Variants in DPP10 observed in about 807,000 individuals in gnomAD.
DPP10 encodes inactive dipeptidyl peptidase 10.
DPP10 carries 33 observed loss-of-function variants against 120.9 expected under a neutral mutation model. The ratio of observed to expected loss-of-function variants is 0.27; its 90% CI spans 0.21 to 0.37. The LOEUF is 0.37. Ranked by LOEUF, DPP10 falls within the 10% of genes least tolerant of loss-of-function variation. DPP10 has a pLI of 1.00. For synonymous variants in DPP10, 337 were observed against 326.1 expected (o/e 1.03, Z -0.36); for missense variants, 816 against 942.8 (o/e 0.87, Z 1.76).
At chr2:115,550,540 T>C (rs989671805) in intron 5 of DPP10, among the ~76,000 whole-genome samples, 6 of 152,182 alleles carry the variant, frequency 3.9e-5, no homozygotes, top group Admixed American at 1.3e-4. Flanking sequence ...CCCTTCATTT[T>C]CTAACTACTT....
chr2:114,644,144 A>G (rs1169818456), intron 1 of DPP10, among the ~76,000 whole-genome samples: 1 of 139,842 alleles, frequency 7.2e-6, no homozygotes, highest in Non-Finnish European at 1.5e-5. Context: ...GGGTTTTACT[A>G]TGTTGGCCAG....
chr2:115,316,591 G>T (rs1574398807), intron 2 of DPP10, among the ~76,000 whole-genome samples: 1 of 152,054 alleles, frequency 6.6e-6, no homozygotes, highest in East Asian at 1.9e-4. Flanking sequence ...TTTATTTCTG[G>T]TTTCATAATT....
intron 5 of DPP10, among the ~76,000 whole-genome samples, chr2:115,610,428 T>C (rs1044778492): frequency 6.6e-6 from 1 of 151,296 alleles, no homozygotes; most frequent in African/African-American, 2.4e-5. Flanking sequence ...TGTGGGTAAC[T>C]TACCATGGGG....
chr2:114,793,934 T>C, intron 1 of DPP10, among the ~76,000 whole-genome samples: 1 of 152,182 alleles, frequency 6.6e-6, no homozygotes, highest in Non-Finnish European at 1.5e-5. Flanking sequence ...ATACAATACC[T>C]CTTTTATGGG....
intron 1 of DPP10, among the ~76,000 whole-genome samples, chr2:115,003,062 G>A (rs1243477622): frequency 1.3e-5 from 2 of 151,388 alleles, no homozygotes; most frequent in Non-Finnish European, 2.9e-5. Context: ...ACATACATCT[G>A]TATGTTCATT....
At chr2:114,592,189 G>A (rs1691520074) in intron 1 of DPP10, among the ~76,000 whole-genome samples, 1 of 152,166 alleles carries the variant, frequency 6.6e-6, no homozygotes, top group East Asian at 1.9e-4. Context: ...AGAGTTGGAG[G>A]ACTTGTGACT....
At chr2:114,760,426 G>A (rs1340648142) in intron 1 of DPP10, among the ~76,000 whole-genome samples, 1 of 152,092 alleles carries the variant, frequency 6.6e-6, no homozygotes, top group Admixed American at 6.5e-5. Context: ...GTAGGATCAG[G>A]TACAGTGAAA....
chr2:114,873,840 C>A (rs1045774385), intron 1 of DPP10, among the ~76,000 whole-genome samples: 1 of 152,134 alleles, frequency 6.6e-6, no homozygotes, highest in Non-Finnish European at 1.5e-5. Flanking sequence ...GCTTTCTATA[C>A]GTAGATCCCT....
intron 1 of DPP10, among the ~76,000 whole-genome samples, chr2:114,674,041 T>C: frequency 6.6e-6 from 1 of 152,178 alleles, no homozygotes; most frequent in Admixed American, 6.5e-5. Flanking sequence ...TTAAAAATCT[T>C]TTCATTTTAT....
intron 1 of DPP10, among the ~76,000 whole-genome samples, chr2:115,122,052 A>C (rs781567335): frequency 5.3e-5 from 8 of 152,222 alleles, no homozygotes; most frequent in Non-Finnish European, 1.0e-4. Flanking sequence ...GGAGAGAAGA[A>C]AATGAAGACA....
intron 3 of DPP10, among the ~76,000 whole-genome samples, chr2:115,431,383 C>T (rs1368656377): frequency 6.6e-6 from 1 of 152,050 alleles, no homozygotes; most frequent in African/African-American, 2.4e-5. Context: ...GTAAGATAAC[C>T]ATATCATGCA....
At chr2:115,803,593 T>C (rs62156335) in intron 19 of DPP10, among the ~76,000 whole-genome samples, 12,227 of 152,220 alleles carry the variant, frequency 0.08, 640 homozygotes, top group Non-Finnish European at 0.12. Flanking sequence ...CCATGTTTAG[T>C]GCTTCCTTCA....
intron 1 of DPP10, among the ~76,000 whole-genome samples, chr2:115,246,852 A>T (rs2058558060): frequency 2.0e-5 from 3 of 152,126 alleles, no homozygotes; most frequent in South Asian, 4.1e-4. Flanking sequence ...GGGTTGAAGA[A>T]AATCAAATGA....
chr2:115,115,079 G>A (rs531701885), intron 1 of DPP10, among the ~76,000 whole-genome samples: 6 of 152,050 alleles, frequency 3.9e-5, no homozygotes, highest in African/African-American at 9.6e-5. Flanking sequence ...GTGTATGACC[G>A]ATATGTGTGT....
At chr2:114,520,324 A>G (rs933363662) in intron 1 of DPP10, among the ~76,000 whole-genome samples, 1 of 152,242 alleles carries the variant, frequency 6.6e-6, no homozygotes, top group Non-Finnish European at 1.5e-5. Context: ...ATGAGGAGTG[A>G]GTAAATGAAT....
rs1559169975 is a variant in DPP10 at position 115,800,293 on chromosome 2, T to C, written c.1700+8937T>C. Among the ~76,000 whole-genome samples the C allele has an allele frequency of 2.0e-5, 3 of 151,094 alleles. No individual in the cohort carries two copies. In the South Asian group the frequency reaches 6.2e-4, roughly 31 times the overall value. On this transcript the variant is annotated intron_variant, in intron 19 of 25. Transcript: ENST00000410059. ...TTTTTGATGGGGTTGTTTGTTTTTT[T>C]CTTGTAAATTTGTTTGAGTTCATTG...
chr2:115,162,047 G>C, intron 1 of DPP10: 1 of 1,421,398 alleles, frequency 7.0e-7, no homozygotes, highest in Non-Finnish European at 9.1e-7. Context: ...CGGCAGCCGC[G>C]GCCAGGCCCT....
At chr2:114,833,441 C>CA (rs946145324) in intron 1 of DPP10, 1 of 151,874 alleles carries the variant, frequency 6.6e-6, no homozygotes, top group East Asian at 1.9e-4. Context: ...CTCTTGAATA[C>CA]AAAAAATCTT....
intron 1 of DPP10, among the ~76,000 whole-genome samples, chr2:114,933,429 C>A (rs2104514735): frequency 1.3e-5 from 2 of 152,322 alleles, no homozygotes; most frequent in South Asian, 4.1e-4. Flanking sequence ...AAAAGTAGAA[C>A]TGTCCTAGCC....
Sources: gnomAD v4.1 joint callset for allele counts (sites outside exome capture counted in the v4.1 genomes callset) on GRCh38, gnomAD v4.1.1 for gene constraint, MANE v1.5 for transcripts, NCBI Gene and HGNC (gene_info 2026-07-23, HGNC 2026-07-21) for gene names.